Variants in DIAPH1 observed in about 807,000 individuals in gnomAD.
DIAPH1 encodes the protein protein diaphanous homolog 1.
Under a neutral mutation model 140.7 loss-of-function variants are expected in DIAPH1, and 46 were observed. The observed-to-expected ratio is 0.33, with a 90% confidence interval of 0.26 to 0.42. The LOEUF (loss-of-function observed/expected upper bound fraction) is 0.42, where lower values mean the gene tolerates loss of function less well. Among genes scored for constraint, DIAPH1 ranks in the 10% least tolerant of loss-of-function variants. The pLI, the probability that DIAPH1 is intolerant of heterozygous loss-of-function variation, is 1.00. For synonymous variants in DIAPH1, 565 were observed against 551.6 expected, an observed-to-expected ratio of 1.02 and a Z score of -0.34; for missense variants, 1,310 against 1,558.7, an observed-to-expected ratio of 0.84 and a Z score of 2.69.
At chr5:141,533,097 G>A (rs1203038717) in intron 19 of DIAPH1, among the ~76,000 whole-genome samples, 1 of 152,120 alleles carries the variant, frequency 6.6e-6, no homozygotes, top group Admixed American at 6.5e-5. Flanking sequence ...TGTGATCTGG[G>A]CACTTCGCAT....
intron 12 of DIAPH1, 79 bp downstream of exon 12, chr5:141,577,396 G>C (rs1296785022): frequency 9.6e-7 from 1 of 1,041,572 alleles, no homozygotes; most frequent in Admixed American, 1.7e-5. Context: ...TCCTTTTACA[G>C]AACAATCTTT....
In DIAPH1 at chr5:141,579,826, T is replaced by C. The variant is rs185073773; in HGVS notation, c.825-630A>G. ...AGCCAGGCGTGGTGGCGGACTCCTG[T>C]AGTCCCAGCTACTCGGGAGGCTGAG... On this transcript the variant is annotated intron_variant, in intron 8 of 27. Transcript: ENST00000389054. Among the ~76,000 whole-genome samples, 1,176 of 151,998 alleles carry C rather than the reference T, an allele frequency of 7.7e-3. 9 individuals are homozygous for C. The highest frequency in any genetic ancestry group is 0.012 in the Non-Finnish European group (834 of 67,958).
chr5:141,554,975 G>C (rs1277259124), intron 18 of DIAPH1, among the ~76,000 whole-genome samples: 1 of 152,120 alleles, frequency 6.6e-6, no homozygotes, highest in African/African-American at 2.4e-5. Context: ...AGGTTCAGTT[G>C]TAACTGGAAG....
At chr5:141,551,184 T>A (rs778582557) in intron 18 of DIAPH1, among the ~76,000 whole-genome samples, 1 of 152,232 alleles carries the variant, frequency 6.6e-6, no homozygotes, top group Non-Finnish European at 1.5e-5. Context: ...GCTCAGTGGC[T>A]TATGCCTATA....
At chr5:141,553,057 C>T (rs1038306376) in intron 18 of DIAPH1, among the ~76,000 whole-genome samples, 20 of 149,010 alleles carry the variant, frequency 1.3e-4, no homozygotes, top group East Asian at 2.0e-4. Flanking sequence ...GGGAGGCTGA[C>T]GCGGGCCTAT....
chr5:141,609,491 T>C (rs2099901481), intron 1 of DIAPH1, among the ~76,000 whole-genome samples: 1 of 152,218 alleles, frequency 6.6e-6, no homozygotes, highest in South Asian at 2.1e-4. Flanking sequence ...TAGTTCTATG[T>C]CTTCAAGCAG....
chr5:141,541,475 G>C (rs1416971235), intron 18 of DIAPH1, among the ~76,000 whole-genome samples: 1 of 152,020 alleles, frequency 6.6e-6, no homozygotes, highest in Non-Finnish European at 1.5e-5. Flanking sequence ...ATCACTTGAA[G>C]TCAGGAGTTC....
At chr5:141,560,039 A>G (rs1305823704) in intron 18 of DIAPH1, among the ~76,000 whole-genome samples, 2 of 152,186 alleles carry the variant, frequency 1.3e-5, no homozygotes, top group Non-Finnish European at 2.9e-5. Context: ...CACATCTCTA[A>G]AAGATGATGA....
intron 18 of DIAPH1, among the ~76,000 whole-genome samples, chr5:141,548,071 C>T (rs551301771): frequency 7.5e-4 from 114 of 152,060 alleles, no homozygotes; most frequent in Non-Finnish European, 1.1e-3. Context: ...CGGTGGTGCA[C>T]GCTTGTAGTC....
intron 27 of DIAPH1, chr5:141,518,991 G>A: frequency 1.3e-6 from 2 of 1,550,654 alleles, no homozygotes; most frequent in Non-Finnish European, 1.7e-6. Flanking sequence ...GGGCACAAGA[G>A]GTTGTCTACC....
chr5:141,544,617 G>C (rs2154595466), intron 18 of DIAPH1, among the ~76,000 whole-genome samples: 1 of 152,272 alleles, frequency 6.6e-6, no homozygotes. Context: ...AGAGAAAGCT[G>C]CTCAATATCA....
chr5:141,609,439 A>G (rs1214016496), intron 1 of DIAPH1, among the ~76,000 whole-genome samples: 1 of 152,236 alleles, frequency 6.6e-6, no homozygotes, highest in African/African-American at 2.4e-5. Context: ...ATGAGTTTTG[A>G]ATCAGCTAGG....
chr5:141,598,928 CCT>C (rs2099899733), intron 1 of DIAPH1, among the ~76,000 whole-genome samples: 1 of 152,142 alleles, frequency 6.6e-6, no homozygotes, highest in African/African-American at 2.4e-5. Context: ...ACAGAGGCTC[CCT>C]CTGTTTGCTT....
intron 3 of DIAPH1, among the ~76,000 whole-genome samples, chr5:141,586,284 TAAC>T (rs530202286): frequency 6.0e-4 from 92 of 152,272 alleles, no homozygotes; most frequent in African/African-American, 2.1e-3. Flanking sequence ...CAGTGAAAAA[TAAC>T]AACAGTAGTA....
At chr5:141,529,492 C>A in intron 20 of DIAPH1, 111 bp downstream of exon 20, 2 of 1,076,558 alleles carry the variant, frequency 1.9e-6, no homozygotes, top group Admixed American at 3.5e-5. Flanking sequence ...TCAAAGCCAG[C>A]ATTCATAAGT....
chr5:141,518,835 TA>T, intron 27 of DIAPH1: 1 of 1,103,274 alleles, frequency 9.1e-7, no homozygotes, highest in Admixed American at 2.0e-5. Context: ...GCCCAAGTCT[TA>T]ACCAGGTCTT....
At chr5:141,520,531 C>G (rs529424378) in intron 27 of DIAPH1, among the ~76,000 whole-genome samples, 6 of 152,284 alleles carry the variant, frequency 3.9e-5, no homozygotes, top group South Asian at 4.2e-4. Flanking sequence ...CCTTCTCCCC[C>G]CTTGATTGGA....
chr5:141,579,331 A>C (rs1334070112), intron 8 of DIAPH1, 135 bp from the exon 9 acceptor site: 2 of 798,150 alleles, frequency 2.5e-6, no homozygotes, highest in Non-Finnish European at 4.5e-6. Flanking sequence ...TCACATTATT[A>C]TTCTCACCAC....
intron 8 of DIAPH1, 53 bp downstream of exon 8, chr5:141,580,691 A>C (rs1350841413): frequency 1.3e-6 from 2 of 1,599,666 alleles, no homozygotes. Flanking sequence ...CTCTGAACTA[A>C]GAGAAAATGA....
Sources: allele counts gnomAD v4.1 joint callset (sites outside exome capture counted in the v4.1 genomes callset), GRCh38; gene constraint gnomAD v4.1.1; transcripts MANE v1.5; gene names NCBI Gene and HGNC (gene_info 2026-07-23, HGNC 2026-07-21).